GIPC2: variants seen among roughly 807,000 people sequenced by gnomAD.
GIPC2 encodes the protein PDZ domain-containing protein GIPC2.
A neutral mutation model predicts 30.6 loss-of-function variants in GIPC2; 30 were observed. The observed-to-expected ratio is 0.98, with a 90% confidence interval of 0.73 to 1.33. The LOEUF (loss-of-function observed/expected upper bound fraction) is 1.33. Among genes scored for constraint, GIPC2 ranks in the 40% most tolerant of loss-of-function variants. GIPC2 has a pLI of 0.00. For synonymous variants in GIPC2, 167 were observed against 150.0 expected (o/e 1.11, Z -0.83); for missense variants, 414 against 390.3 (o/e 1.06, Z -0.51).
In GIPC2 at chr1:78,119,415, T is replaced by C. The variant is rs1366134904; in HGVS notation, c.630T>C (p.Ala210=). Residue 210 remains alanine, a synonymous_variant, in exon 4 of 6, where the codon GCT becomes GCC. Transcript: ENST00000370759. ...KAFEIELRSK[A]GKSSGEKIGC... ...TAGAAATAGAGCTGAGGTCAAAGGC[T>C]GGAAAGTCATCAGGAGAAAAAATTG... is the stretch of plus-strand genomic sequence containing the variant. 7.5e-6 allele frequency: 12 copies of C among 1,609,314 alleles called. No homozygotes were observed. The highest frequency in any genetic ancestry group is 1.1e-5 in the South Asian group (1 of 90,880).
chr1:78,130,104 CTTTT>C (rs752502793), intron 5 of GIPC2, among the ~76,000 whole-genome samples: 3 of 117,168 alleles, frequency 2.6e-5, no homozygotes, highest in East Asian at 9.8e-4. Flanking sequence ...CCTAGGATCA[CTTTT>C]TTTTTTTTTT....
chr1:78,135,854 A>C lies in GIPC2; in HGVS notation c.*111A>C, dbSNP rs1662993540. ...CCTTTACTAACTCTGGTTTAATTTCATGTGTATGGAATATATTCTTTGAAA... is the reference window on the plus strand; with the variant it reads ...CCTTTACTAACTCTGGTTTAATTTCCTGTGTATGGAATATATTCTTTGAAA... On this transcript the variant is annotated 3_prime_UTR_variant, in exon 6 of 6. Transcript: ENST00000370759. The C allele has an allele frequency of 3.7e-6, 3 of 814,240 alleles. No homozygotes were observed. Among genetic ancestry groups the C allele is most frequent in the Non-Finnish European group, 5.9e-6 (3 of 511,178 alleles). 50.4% of individuals were successfully genotyped at this position (814,240 alleles called of 1,614,324 possible). A position where few individuals can be genotyped will look rare whatever the true frequency, so the allele number is the denominator to read the frequency against.
At chr1:78,066,931 G>T (rs1351058830) in intron 1 of GIPC2, among the ~76,000 whole-genome samples, 1 of 152,126 alleles carries the variant, frequency 6.6e-6, no homozygotes, top group East Asian at 1.9e-4. Flanking sequence ...TAACTAGTGG[G>T]TACTAGGCTT....
Position 78,046,213 on chromosome 1 carries a change from G to T in GIPC2, c.119G>T (p.Arg40Leu). 4 of 1,596,946 alleles carry T rather than the reference G, an allele frequency of 2.5e-6. No individual in the cohort carries two copies. The highest frequency in any genetic ancestry group is 3.4e-6 in the Non-Finnish European group (4 of 1,173,128). ...CTCTCAGCGTCCCGGGCTCCCGCAC[G>T]CAGGCTGGTCTTCCACGCGCAGCTG... ...GSLSASRAPA[R>L]RLVFHAQLAH... Residue 40 changes from arginine to leucine, a missense_variant, in exon 1 of 6, where the codon CGC (arginine) becomes CTC (leucine). Physicochemically the swap from Arg to Leu is moderately radical, Grantham distance 102. Transcript: ENST00000370759.
At chr1:78,047,243 C>G (rs569426225) in intron 1 of GIPC2, among the ~76,000 whole-genome samples, 2 of 152,276 alleles carry the variant, frequency 1.3e-5, no homozygotes, top group Non-Finnish European at 2.9e-5. Flanking sequence ...GTCCACATTT[C>G]TAGGAAAAGC....
intron 1 of GIPC2, among the ~76,000 whole-genome samples, chr1:78,058,691 G>A (rs922518595): frequency 1.3e-5 from 2 of 152,116 alleles, no homozygotes; most frequent in Non-Finnish European, 2.9e-5. Context: ...CATATTAATG[G>A]CTTTGAGAAG....
At chr1:78,117,009 C>T (rs892182180) in intron 3 of GIPC2, among the ~76,000 whole-genome samples, 1 of 143,242 alleles carries the variant, frequency 7.0e-6, no homozygotes, top group African/African-American at 2.5e-5. Flanking sequence ...ACATCCTCTC[C>T]AGCACCTGTT....
chr1:78,089,678 A>G (rs1422921296), intron 2 of GIPC2, among the ~76,000 whole-genome samples: 1 of 152,330 alleles, frequency 6.6e-6, no homozygotes, highest in African/African-American at 2.4e-5. Context: ...AAAACAACCT[A>G]CTTAAATGTT....
At chr1:78,061,574 C>T (rs745902714) in intron 1 of GIPC2, among the ~76,000 whole-genome samples, 20 of 151,590 alleles carry the variant, frequency 1.3e-4, no homozygotes, top group Non-Finnish European at 2.9e-4. Context: ...GATCTGGGCT[C>T]ACTGCAACCT....
At chr1:78,072,056 C>T (rs1020945967) in intron 1 of GIPC2, among the ~76,000 whole-genome samples, 2 of 152,140 alleles carry the variant, frequency 1.3e-5, no homozygotes, top group African/African-American at 4.8e-5. Flanking sequence ...TCCAACTGCA[C>T]CAATTACTAT....
At chr1:78,127,768 CA>C (rs1662808181) in intron 5 of GIPC2, among the ~76,000 whole-genome samples, 1 of 152,226 alleles carries the variant, frequency 6.6e-6, no homozygotes, top group Admixed American at 6.5e-5. Flanking sequence ...TAGCTCACTG[CA>C]GCCTTGATGT....
intron 1 of GIPC2, among the ~76,000 whole-genome samples, chr1:78,057,715 T>C (rs988749190): frequency 6.6e-6 from 1 of 152,240 alleles, no homozygotes; most frequent in Non-Finnish European, 1.5e-5. Context: ...TTTAGGCATG[T>C]TCAATCTTAT....
At chr1:78,056,117 G>A (rs1048867776) in intron 1 of GIPC2, among the ~76,000 whole-genome samples, 6 of 152,090 alleles carry the variant, frequency 3.9e-5, no homozygotes, top group Admixed American at 3.9e-4. Context: ...GGTCATCATT[G>A]CTTTAATGTC....
At chr1:78,100,551 T>C (rs1662222905) in intron 3 of GIPC2, among the ~76,000 whole-genome samples, 1 of 152,098 alleles carries the variant, frequency 6.6e-6, no homozygotes, top group South Asian at 2.1e-4. Context: ...GAAATAGATA[T>C]GGGCGAGGAG....
At chr1:78,115,888 A>T (rs1188379316) in intron 3 of GIPC2, among the ~76,000 whole-genome samples, 1 of 152,238 alleles carries the variant, frequency 6.6e-6, no homozygotes, top group African/African-American at 2.4e-5. Context: ...ATTAATATGC[A>T]AAATTAATAT....
chr1:78,098,051 T>G (rs992939693), intron 3 of GIPC2, among the ~76,000 whole-genome samples: 3 of 152,198 alleles, frequency 2.0e-5, no homozygotes, highest in Admixed American at 2.0e-4. Context: ...TCTTCTAAGC[T>G]GTTATATCTT....
chr1:78,130,280 T>A (rs988128105), intron 5 of GIPC2, among the ~76,000 whole-genome samples: 3 of 151,764 alleles, frequency 2.0e-5, no homozygotes, highest in African/African-American at 7.3e-5. Context: ...TTTTTTGTAT[T>A]TTTAGTAGAG....
chr1:78,079,467 G>A (rs1211617002), intron 1 of GIPC2, among the ~76,000 whole-genome samples: 1 of 152,186 alleles, frequency 6.6e-6, no homozygotes, highest in Admixed American at 6.5e-5. Context: ...TTATGGATGT[G>A]TTAAGGCTCA....
intron 4 of GIPC2, among the ~76,000 whole-genome samples, chr1:78,120,081 C>G (rs1662650326): frequency 1.3e-5 from 2 of 152,238 alleles, no homozygotes; most frequent in African/African-American, 2.4e-5. Flanking sequence ...TCCACCTGTG[C>G]TCAGCACAAC....
Sources: gnomAD v4.1 joint callset for allele counts (sites outside exome capture counted in the v4.1 genomes callset) on GRCh38, gnomAD v4.1.1 for gene constraint, MANE v1.5 for transcripts, NCBI Gene and HGNC (gene_info 2026-07-23, HGNC 2026-07-21) for gene names.